The following BMPER variants were observed in gnomAD, a reference collection of about 807,000 sequenced individuals.
The protein encoded by BMPER is BMP-binding endothelial regulator protein.
In BMPER, 45 loss-of-function variants were observed where a neutral mutation model predicts 87.3. That is an observed-to-expected ratio of 0.52 (90% CI 0.41 to 0.66). BMPER has a LOEUF of 0.66. Among genes scored for constraint, BMPER ranks in the 30% least tolerant of loss-of-function variants. The pLI is 0.00. For synonymous variants in BMPER, 326 were observed against 316.2 expected (o/e 1.03, Z -0.33); for missense variants, 784 against 867.5 (o/e 0.90, Z 1.21).
At chr7:34,033,323 C>T (rs1434677325) in intron 6 of BMPER, among the ~76,000 whole-genome samples, 3 of 152,088 alleles carry the variant, frequency 2.0e-5, no homozygotes, top group Admixed American at 2.0e-4. Context: ...TTCAGCCACT[C>T]GGAGCTAGCA....
chr7:34,072,871 G>A (rs892115698), intron 11 of BMPER, among the ~76,000 whole-genome samples: 4 of 152,118 alleles, frequency 2.6e-5, no homozygotes, highest in Non-Finnish European at 5.9e-5. Flanking sequence ...TATTCAAATG[G>A]AGAAATTGGA....
At chr7:34,008,396 TA>T (rs1227659164) in intron 6 of BMPER, among the ~76,000 whole-genome samples, 2 of 151,996 alleles carry the variant, frequency 1.3e-5, no homozygotes, top group African/African-American at 4.8e-5. Flanking sequence ...CACTTTTCTT[TA>T]ACACCTTCTG....
chr7:33,932,131 G>T (rs760742493), intron 2 of BMPER, among the ~76,000 whole-genome samples: 4 of 152,172 alleles, frequency 2.6e-5, no homozygotes, highest in African/African-American at 7.2e-5. Flanking sequence ...TCTCAGAGTC[G>T]CCAGGCTGGG....
At chr7:34,109,411 A>G (rs1376494643) in intron 13 of BMPER, among the ~76,000 whole-genome samples, 1 of 152,106 alleles carries the variant, frequency 6.6e-6, no homozygotes, top group Non-Finnish European at 1.5e-5. Context: ...TCCAAATACA[A>G]CCTCAGATAA....
chr7:34,107,858 C>T (rs1047420263), intron 13 of BMPER, among the ~76,000 whole-genome samples: 1 of 152,184 alleles, frequency 6.6e-6, no homozygotes, highest in Non-Finnish European at 1.5e-5. Context: ...ATCCTGGCTT[C>T]ACCATTGCTG....
chr7:34,147,404 G>A (rs781135126), intron 14 of BMPER, among the ~76,000 whole-genome samples: 99 of 152,306 alleles, frequency 6.5e-4, no homozygotes, highest in Non-Finnish European at 1.2e-3. Context: ...CACCTATAGC[G>A]GTTTTAATGC....
intron 13 of BMPER, among the ~76,000 whole-genome samples, chr7:34,132,408 C>A (rs1249302016): frequency 1.3e-5 from 2 of 150,396 alleles, no homozygotes; most frequent in South Asian, 4.3e-4. Flanking sequence ...CCCAAAGGCC[C>A]CAGGATCGAA....
chr7:34,032,013 A>G (rs1157908878), intron 6 of BMPER, among the ~76,000 whole-genome samples: 1 of 146,712 alleles, frequency 6.8e-6, no homozygotes, highest in African/African-American at 2.5e-5. Flanking sequence ...GTGTGTGTAT[A>G]TATATATATA....
intron 12 of BMPER, among the ~76,000 whole-genome samples, chr7:34,083,875 C>T (rs1371450797): frequency 6.6e-6 from 1 of 152,010 alleles, no homozygotes; most frequent in Non-Finnish European, 1.5e-5. Flanking sequence ...AACATTTGCT[C>T]ATCAGCTTAA....
chr7:34,111,213 T>C (rs897954316), intron 13 of BMPER, among the ~76,000 whole-genome samples: 3 of 152,242 alleles, frequency 2.0e-5, no homozygotes, highest in Non-Finnish European at 4.4e-5. Flanking sequence ...GAATTTCAAA[T>C]GGGAAATGAG....
chr7:33,993,699 T>A (rs1340421914), intron 6 of BMPER, among the ~76,000 whole-genome samples: 1 of 152,144 alleles, frequency 6.6e-6, no homozygotes, highest in Non-Finnish European at 1.5e-5. Context: ...GGCCCTCTGC[T>A]TTTTAGAGTT....
intron 11 of BMPER, among the ~76,000 whole-genome samples, chr7:34,074,127 A>G (rs1788802529): frequency 6.6e-6 from 1 of 152,266 alleles, no homozygotes; most frequent in African/African-American, 2.4e-5. Flanking sequence ...CAAATTCATA[A>G]CATTTAACAA....
chr7:34,063,909 T>G (rs1250432884), intron 11 of BMPER, among the ~76,000 whole-genome samples: 2 of 152,238 alleles, frequency 1.3e-5, no homozygotes, highest in Admixed American at 6.5e-5. Flanking sequence ...TCCAGTTAAC[T>G]CTTTCAATTT....
At chr7:34,105,401 C>T (rs958280633) in intron 13 of BMPER, among the ~76,000 whole-genome samples, 10 of 152,158 alleles carry the variant, frequency 6.6e-5, no homozygotes, top group African/African-American at 2.4e-4. Context: ...GGGTTTTGTT[C>T]TTCTTCCCTC....
At chr7:34,101,870 C>T (rs1054775403) in intron 13 of BMPER, among the ~76,000 whole-genome samples, 4 of 152,184 alleles carry the variant, frequency 2.6e-5, no homozygotes, top group African/African-American at 9.7e-5. Flanking sequence ...ACAACAGGAG[C>T]CCACATGTGT....
intron 12 of BMPER, 35 bp from the exon 13 acceptor site, chr7:34,085,721 G>C (rs371876122): frequency 1.3e-6 from 2 of 1,556,946 alleles, no homozygotes; most frequent in African/African-American, 2.7e-5. Flanking sequence ...GCGTTAATGA[G>C]TGATTGATTT....
At chr7:34,068,517 C>T (rs1456668349) in intron 11 of BMPER, among the ~76,000 whole-genome samples, 6 of 152,168 alleles carry the variant, frequency 3.9e-5, no homozygotes, top group African/African-American at 1.4e-4. Flanking sequence ...GTGGCATCTC[C>T]GTCTTTCTGC....
chr7:33,966,492 A>G lies in BMPER; in HGVS notation c.333A>G (p.Glu111=). The change falls in exon 4 of 15, where the codon GAA becomes GAG. Residue 111 remains glutamate (E), a synonymous_variant. Transcript: ENST00000649409. ...TCTCCTGTCTAGGTTGCACCTATGA[A>G]GGAAATACCTATAACAGCTCCTTCA... ...CCEQCKGCTY[E]GNTYNSSFKW... is the part of the protein sequence containing the mutation. The G allele has an allele frequency of 6.2e-7, 1 of 1,613,786 alleles. No individual in the cohort carries two copies. Among genetic ancestry groups the G allele is most frequent in the Non-Finnish European group, 8.5e-7 (1 of 1,179,696 alleles).
rs569457227 is a variant in BMPER, at chr7:33,943,213, C to A, written c.319+5825C>A. Reference sequence around the variant, plus strand: ...ACCAATTTATTGTGTGTTTTCCAGACCTTTTTCAGTTTATTACATGTATAT... The same window carrying A: ...ACCAATTTATTGTGTGTTTTCCAGAACTTTTTCAGTTTATTACATGTATAT... On this transcript the variant is annotated intron_variant, in intron 3 of 14. Transcript: ENST00000649409. 5.3e-5 allele frequency among the ~76,000 whole-genome samples: 8 copies of A among 152,236 alleles called. No homozygotes were observed. The East Asian group carries it at 5.8e-4, about 11-fold the overall frequency.
Sources: allele counts gnomAD v4.1 joint callset (sites outside exome capture counted in the v4.1 genomes callset), GRCh38; gene constraint gnomAD v4.1.1; transcripts MANE v1.5; gene names NCBI Gene and HGNC (gene_info 2026-07-23, HGNC 2026-07-21).